MARS1: variants seen among roughly 807,000 people sequenced by gnomAD.
The protein encoded by MARS1 is methionyl-tRNA synthetase 1, also known as methionine--tRNA ligase, cytoplasmic.
MARS1 carries 80 observed loss-of-function variants against 119.5 expected under a neutral mutation model. The ratio of observed to expected loss-of-function variants is 0.67; its 90% CI spans 0.56 to 0.81. The LOEUF is 0.81. Among genes scored for constraint, MARS1 ranks in the 30% least tolerant of loss-of-function variants. MARS1 has a pLI of 0.00. For missense variants in MARS1, 945 were observed against 1,116.5 expected (o/e 0.85, Z 2.19); for synonymous variants, 418 against 433.4 (o/e 0.96, Z 0.44).
At position 57,495,094 on chromosome 12, in the gene MARS1, G is replaced by GC. The variant is rs1199059620; in HGVS notation, c.771-3056dup. On this transcript the variant is annotated intron_variant, in intron 7 of 20. Coordinates refer to ENST00000262027, the MANE Select transcript of MARS1 (RefSeq NM_004990.4). ...CCAGACAGGGCGGCCGGGCAGAGGT[G>GC]CCCCCCCACCTCCCGGGCTGGGTGG... 6.0e-5 allele frequency among the ~76,000 whole-genome samples: 9 copies of GC among 151,174 alleles called. No individual in the cohort carries two copies. In the South Asian group the frequency reaches 8.4e-4, roughly 14 times the overall value.
intron 11 of MARS1, among the ~76,000 whole-genome samples, chr12:57,510,604 T>TAA (rs767292746): frequency 2.1e-4 from 30 of 141,988 alleles, no homozygotes; most frequent in South Asian, 9.0e-4. Flanking sequence ...CACCCTACCT[T>TAA]AAAAAAAAAA....
chr12:57,500,654 C>A, intron 10 of MARS1, 132 bp downstream of exon 10: 1 of 760,644 alleles, frequency 1.3e-6, no homozygotes. Flanking sequence ...TGCCCCATCT[C>A]AGCAACTCGT....
intron 11 of MARS1, among the ~76,000 whole-genome samples, chr12:57,508,072 G>T (rs542696940): frequency 5.9e-5 from 9 of 152,074 alleles, no homozygotes; most frequent in Non-Finnish European, 1.2e-4. Flanking sequence ...GGGCAGCCGG[G>T]CAGAGACACT....
chr12:57,499,397 T>C (rs1594820349), intron 9 of MARS1, among the ~76,000 whole-genome samples: 1 of 126,950 alleles, frequency 7.9e-6, no homozygotes, highest in Non-Finnish European at 1.6e-5. Context: ...AGATCGAGAC[T>C]ATCCTGGCTA....
chr12:57,512,868 T>C lies in MARS1; in HGVS notation c.1871T>C (p.Ile624Thr). Residue 624 changes from isoleucine (I) to threonine (T), a missense_variant, in exon 15 of 21, where the codon ATT becomes ACT. Ile to Thr is a moderately conservative substitution (Grantham distance 89). Coordinates refer to ENST00000262027, the MANE Select transcript of MARS1 (RefSeq NM_004990.4). ...ATCTGGCGCTTCTATCTGCTGTACA[T>C]TCGGCCTGAGGGCCAGGACAGTGCT... ...ADIWRFYLLY[I>T]RPEGQDSAFS... 6.2e-7 allele frequency: 1 copy of C among 1,614,212 alleles called. No individual in the cohort carries two copies. The highest frequency in any genetic ancestry group is 8.5e-7 in the Non-Finnish European group (1 of 1,180,034).
intron 4 of MARS1, 80 bp from the exon 5 acceptor site, chr12:57,489,809 AAGTGCTC>A: frequency 6.4e-6 from 8 of 1,255,398 alleles, no homozygotes; most frequent in Non-Finnish European, 8.2e-6. Flanking sequence ...TTGACATATA[AAGTGCTC>A]AGTAAATGTT....
intron 7 of MARS1, 136 bp downstream of exon 7, chr12:57,490,780 C>CTTTTTTTT (rs35674919): frequency 2.7e-5 from 7 of 255,598 alleles, no homozygotes; most frequent in African/African-American, 8.9e-5. Flanking sequence ...TCTTACATCT[C>CTTTTTTTT]TTTTTTTTTT....
intron 11 of MARS1, among the ~76,000 whole-genome samples, chr12:57,508,282 C>T (rs1366651246): frequency 6.6e-6 from 1 of 152,232 alleles, no homozygotes; most frequent in Non-Finnish European, 1.5e-5. Flanking sequence ...AGGCTGCAAT[C>T]TCGGCACTTT....
At position 57,515,231 on chromosome 12, in the gene MARS1, G is replaced by T. The variant is rs765384958; in HGVS notation, c.2286G>T (p.Thr762=). Residue 762 remains threonine (T), a synonymous_variant, in exon 18 of 21, where the codon ACG becomes ACT. Transcript: ENST00000262027. The stretch of plus-strand genomic sequence containing the variant: ...TCATGCTTCAGCCTTACATGCCCAC[G>T]GTTAGTGCCACAATCCAGGCCCAGC... ...LSVMLQPYMP[T]VSATIQAQLQ... 2 of 1,614,108 alleles carry T rather than the reference G, an allele frequency of 1.2e-6. No individual in the cohort carries two copies. The highest frequency in any genetic ancestry group is 1.7e-6 in the Non-Finnish European group (2 of 1,180,034).
At chr12:57,488,895 C>T (rs1407918233) in intron 1 of MARS1, 124 bp from the exon 2 acceptor site, 1 of 845,470 alleles carries the variant, frequency 1.2e-6, no homozygotes, top group East Asian at 2.6e-5. Flanking sequence ...CCTGGAACTT[C>T]TGGGTTGAGA....
At chr12:57,495,887 G>C (rs1876600549) in intron 7 of MARS1, among the ~76,000 whole-genome samples, 1 of 152,216 alleles carries the variant, frequency 6.6e-6, no homozygotes, top group Non-Finnish European at 1.5e-5. Context: ...GCAATCCCAG[G>C]CACTGGGCAG....
At chr12:57,513,519 C>T (rs925001302) in intron 15 of MARS1, among the ~76,000 whole-genome samples, 1 of 145,282 alleles carries the variant, frequency 6.9e-6, no homozygotes, top group African/African-American at 2.6e-5. Context: ...GATGCTGAGG[C>T]GGGATGGTCT....
At chr12:57,504,135 G>A in intron 10 of MARS1, 90 bp from the exon 11 acceptor site, 1 of 846,172 alleles carries the variant, frequency 1.2e-6, no homozygotes, top group Non-Finnish European at 2.0e-6. Context: ...ATGGCAGACT[G>A]AGGAGCTAAT....
At chr12:57,512,156 G>T in intron 13 of MARS1, 53 bp downstream of exon 13, 1 of 1,601,662 alleles carries the variant, frequency 6.2e-7, no homozygotes, top group Non-Finnish European at 8.6e-7. Context: ...GTAGGGTGTG[G>T]GTGTTAGGGT....
chr12:57,494,025 A>T (rs1384737074), intron 7 of MARS1, among the ~76,000 whole-genome samples: 1 of 136,304 alleles, frequency 7.3e-6, no homozygotes, highest in Non-Finnish European at 1.5e-5. Flanking sequence ...GCGTGATCTC[A>T]GCTCACTGTA....
intron 12 of MARS1, 61 bp from the exon 13 acceptor site, chr12:57,511,947 C>T: frequency 1.2e-6 from 2 of 1,604,304 alleles, no homozygotes; most frequent in South Asian, 2.2e-5. Context: ...CTGATTATGT[C>T]TTGTTTCAGT....
chr12:57,508,969 TATG>T (rs1877380230), intron 11 of MARS1, among the ~76,000 whole-genome samples: 1 of 152,214 alleles, frequency 6.6e-6, no homozygotes, highest in Non-Finnish European at 1.5e-5. Context: ...CAATCTTTAT[TATG>T]GTGATTTTCC....
intron 14 of MARS1, 194 bp from the exon 15 acceptor site, chr12:57,512,557 T>A: frequency 3.1e-6 from 2 of 640,476 alleles, no homozygotes; most frequent in East Asian, 2.7e-5. Context: ...TTAGTAGATA[T>A]AAGCAAAGAG....
intron 9 of MARS1, chr12:57,500,082 A>G (rs1314278913): frequency 3.9e-6 from 2 of 512,670 alleles, no homozygotes; most frequent in East Asian, 7.2e-5. Context: ...TCTGTGTTCA[A>G]CAAAAGTGAA....
Sources: gnomAD v4.1 joint callset for allele counts (sites outside exome capture counted in the v4.1 genomes callset) on GRCh38, gnomAD v4.1.1 for gene constraint, MANE v1.5 for transcripts, NCBI Gene and HGNC (gene_info 2026-07-23, HGNC 2026-07-21) for gene names.